The following NELL2 variants were observed in gnomAD, a reference collection of about 807,000 sequenced individuals.
NELL2 encodes protein kinase C-binding protein NELL2.
In NELL2, 41 loss-of-function variants were observed where a neutral mutation model predicts 109.6. That is an observed-to-expected ratio of 0.37 (90% CI 0.29 to 0.49). The LOEUF (loss-of-function observed/expected upper bound fraction) is 0.49. NELL2 is among the 20% of genes least tolerant of loss of function. NELL2 has a pLI of 0.98. For missense variants in NELL2, 900 were observed against 1,008.3 expected, an observed-to-expected ratio of 0.89 and a Z score of 1.45; for synonymous variants, 355 against 344.7, an observed-to-expected ratio of 1.03 and a Z score of -0.33.
rs564754566 is a variant in NELL2 at position 44,566,449 on chromosome 12, G to A, written c.1664-33728C>T. Among the ~76,000 whole-genome samples, 259 of 152,064 alleles carry A rather than the reference G, an allele frequency of 1.7e-3. 1 individual carries two copies. Among genetic ancestry groups the A allele is most frequent in the Admixed American group, 3.9e-3 (59 of 15,248 alleles). ...GTTAATATTATCAGGAATGGATGAA[G>A]TTAATCAGGAAAATAAAACAAGATA... On this transcript the variant is annotated intron_variant, in intron 15 of 19. Transcript: ENST00000429094.
At chr12:44,814,581 C>T (rs1206278411) in intron 3 of NELL2, among the ~76,000 whole-genome samples, 2 of 152,062 alleles carry the variant, frequency 1.3e-5, no homozygotes, top group African/African-American at 2.4e-5. Flanking sequence ...CCCTTTCTTG[C>T]TCTTCCCAGT....
At chr12:44,863,519 A>AT (rs199950641) in intron 2 of NELL2, among the ~76,000 whole-genome samples, 1,232 of 46,324 alleles carry the variant, frequency 0.027, 17 homozygotes, top group African/African-American at 0.076. Flanking sequence ...TGTAGAAGTA[A>AT]TAAAAAAAAA....
At chr12:44,845,773 G>A (rs1219194013) in intron 2 of NELL2, among the ~76,000 whole-genome samples, 1 of 152,144 alleles carries the variant, frequency 6.6e-6, no homozygotes, top group Non-Finnish European at 1.5e-5. Flanking sequence ...AAAACCAGAG[G>A]TCAGTCAGTT....
chr12:44,678,099 G>A (rs1948377524), intron 12 of NELL2, among the ~76,000 whole-genome samples: 1 of 152,014 alleles, frequency 6.6e-6, no homozygotes, highest in Admixed American at 6.6e-5. Context: ...ATGGATACCT[G>A]GGGGACTTGG....
At position 44,630,795 on chromosome 12, in the gene NELL2, G is replaced by A. The variant is rs565571694; in HGVS notation, c.1445-19825C>T. Among the ~76,000 whole-genome samples, 4 of 152,176 alleles carry A rather than the reference G, an allele frequency of 2.6e-5. No homozygotes were observed. The East Asian group carries it at 7.7e-4, about 29-fold the overall frequency. ...TTTTAAAAAAGGATACCCCGAGAAA[G>A]TGAGTTTTTAAAAACATTATTTTGA... On this transcript the variant is annotated intron_variant, in intron 13 of 19. Coordinates refer to ENST00000429094, the MANE Select transcript of NELL2 (RefSeq NM_001145108.2).
At chr12:44,684,630 T>C (rs1948649791) in intron 12 of NELL2, among the ~76,000 whole-genome samples, 1 of 152,318 alleles carries the variant, frequency 6.6e-6, no homozygotes, top group African/African-American at 2.4e-5. Flanking sequence ...TTTGTTCTCG[T>C]TGGTTTCAAA....
chr12:44,676,928 T>C (rs1472229580), intron 12 of NELL2, among the ~76,000 whole-genome samples: 1 of 152,112 alleles, frequency 6.6e-6, no homozygotes, highest in Non-Finnish European at 1.5e-5. Context: ...ATGAAACAGA[T>C]GCAGTATCTG....
At chr12:44,511,182 G>T (rs1476851980) in intron 19 of NELL2, among the ~76,000 whole-genome samples, 1 of 152,102 alleles carries the variant, frequency 6.6e-6, no homozygotes, top group Non-Finnish European at 1.5e-5. Context: ...GCTATAACAG[G>T]ATTCTACAAA....
upstream of NELL2, among the ~76,000 whole-genome samples, chr12:44,917,070 G>A (rs1029627073): frequency 3.3e-5 from 5 of 152,210 alleles, no homozygotes; most frequent in African/African-American, 1.2e-4. Flanking sequence ...CTCTCGTTTT[G>A]TTAATCTGAT....
At chr12:44,713,213 C>G (rs11182618) in intron 10 of NELL2, among the ~76,000 whole-genome samples, 21,581 of 119,168 alleles carry the variant, frequency 0.18, 1,730 homozygotes, top group East Asian at 0.25. Context: ...CACACACACA[C>G]ACAGAGAGAG....
intron 9 of NELL2, among the ~76,000 whole-genome samples, chr12:44,756,736 T>C (rs1460897484): frequency 6.6e-6 from 1 of 152,208 alleles, no homozygotes; most frequent in South Asian, 2.1e-4. Flanking sequence ...TGTAATTTTC[T>C]GGCAACTCTT....
intron 19 of NELL2, among the ~76,000 whole-genome samples, chr12:44,517,512 C>T (rs1941333895): frequency 6.6e-6 from 1 of 151,742 alleles, no homozygotes; most frequent in South Asian, 2.1e-4. Flanking sequence ...CCAATTAAAC[C>T]CCTTTTCTTT....
At chr12:44,639,977 T>C (rs748301026) in intron 13 of NELL2, among the ~76,000 whole-genome samples, 1 of 152,156 alleles carries the variant, frequency 6.6e-6, no homozygotes, top group African/African-American at 2.4e-5. Context: ...ACCAACCTTT[T>C]ATCCCAACTC....
At chr12:44,747,445 A>G (rs1446509443) in intron 9 of NELL2, among the ~76,000 whole-genome samples, 3 of 130,040 alleles carry the variant, frequency 2.3e-5, no homozygotes, top group East Asian at 2.1e-4. Flanking sequence ...AACTTCAAGT[A>G]TAATAATAAT....
At chr12:44,615,420 A>T (rs1483439962) in intron 13 of NELL2, among the ~76,000 whole-genome samples, 1 of 152,120 alleles carries the variant, frequency 6.6e-6, no homozygotes, top group Non-Finnish European at 1.5e-5. Context: ...ATATTATCTC[A>T]TTTAATCCTT....
intron 15 of NELL2, among the ~76,000 whole-genome samples, chr12:44,550,934 A>G (rs1328855987): frequency 6.6e-6 from 1 of 152,166 alleles, no homozygotes; most frequent in Non-Finnish European, 1.5e-5. Context: ...AGTTCTGGGT[A>G]TCTACTATAC....
chr12:44,749,946 G>A (rs1940572345), intron 9 of NELL2, among the ~76,000 whole-genome samples: 1 of 151,018 alleles, frequency 6.6e-6, no homozygotes, highest in African/African-American at 2.4e-5. Context: ...AGCAGGAGAA[G>A]AAATACGTAA....
intron 12 of NELL2, among the ~76,000 whole-genome samples, chr12:44,682,761 C>T (rs1291314546): frequency 6.6e-6 from 1 of 152,108 alleles, no homozygotes; most frequent in Non-Finnish European, 1.5e-5. Flanking sequence ...GGGCTCTGTT[C>T]CGTTCCATTG....
chr12:44,621,986 T>A (rs1221723266), intron 13 of NELL2, among the ~76,000 whole-genome samples: 1 of 152,144 alleles, frequency 6.6e-6, no homozygotes, highest in Non-Finnish European at 1.5e-5. Context: ...TTCTCTTACC[T>A]GTCACTCCAT....
Sources: gnomAD v4.1 joint callset for allele counts (sites outside exome capture counted in the v4.1 genomes callset) on GRCh38, gnomAD v4.1.1 for gene constraint, MANE v1.5 for transcripts, NCBI Gene and HGNC (gene_info 2026-07-23, HGNC 2026-07-21) for gene names.